HEG1: variants seen among roughly 807,000 people sequenced by gnomAD.
HEG1 encodes the protein heart development protein with EGF like domains 1, also known as protein HEG homolog 1.
HEG1 carries 56 observed loss-of-function variants against 125.6 expected under a neutral mutation model. The observed-to-expected ratio is 0.45, with a 90% CI of 0.36 to 0.56. The LOEUF (loss-of-function observed/expected upper bound fraction) is 0.56. Among genes scored for constraint, HEG1 ranks in the 20% least tolerant of loss-of-function variants. The pLI is 0.00. For missense variants in HEG1, 1,523 were observed against 1,670.0 expected (o/e 0.91, Z 1.53); for synonymous variants, 644 against 668.5 (o/e 0.96, Z 0.57).
chr3:124,993,228 T>G (rs1936861168), intron 12 of HEG1, among the ~76,000 whole-genome samples: 1 of 152,228 alleles, frequency 6.6e-6, no homozygotes, highest in Non-Finnish European at 1.5e-5. Context: ...ATATTCACTT[T>G]CCTTCTGGCC....
Position 124,969,267 on chromosome 3 carries a change from C to T in HEG1, c.*1385G>A, listed in dbSNP as rs1418518105. The T allele has an allele frequency of 6.6e-6, 1 of 152,150 alleles. No individual in the cohort carries two copies. The highest frequency in any genetic ancestry group is 1.5e-5 in the Non-Finnish European group (1 of 68,046). 9.4% of individuals were successfully genotyped at this position (152,150 alleles called of 1,614,324 possible). ...AGGTGGCAATTAAAGACACCGAGTA[C>T]TGGATGTCTCCCTGGCAGGACCCAC... On this transcript the variant is annotated 3_prime_UTR_variant, in exon 17 of 17. Transcript: ENST00000311127.
At chr3:124,991,608 G>T (rs562341196) in intron 12 of HEG1, among the ~76,000 whole-genome samples, 1 of 152,228 alleles carries the variant, frequency 6.6e-6, no homozygotes, top group Non-Finnish European at 1.5e-5. Flanking sequence ...TCAGGGTTTT[G>T]TAGTTGTAAT....
chr3:125,028,768 C>T (rs1937453688), intron 2 of HEG1, among the ~76,000 whole-genome samples: 1 of 152,158 alleles, frequency 6.6e-6, no homozygotes, highest in African/African-American at 2.4e-5. Context: ...ACCCATTGAG[C>T]CCCAGCACCT....
Position 125,013,781 on chromosome 3 carries a change from A to T in HEG1, c.1798T>A (p.Ser600Thr). 6.2e-7 allele frequency: 1 copy of T among 1,613,888 alleles called. No individual in the cohort carries two copies. Among genetic ancestry groups the T allele is most frequent in the Non-Finnish European group, 8.5e-7 (1 of 1,179,778 alleles). The change falls in exon 6 of 17, where the codon TCC (serine) becomes ACC (threonine). Residue 600 changes from serine (S) to threonine (T), a missense_variant. By Grantham distance (58) the Ser-to-Thr change is moderately conservative. Transcript: ENST00000311127. ...ISNSSHSEYS[S>T]FFHAQTERSN... ...CTCTCAGTCTGAGCATGAAAAAAGG[A>T]GGAATACTCTGAATGTGAAGAGTTT...
chr3:125,041,638 C>G (rs1475974191), intron 1 of HEG1, among the ~76,000 whole-genome samples: 1 of 152,194 alleles, frequency 6.6e-6, no homozygotes, highest in Non-Finnish European at 1.5e-5. Flanking sequence ...CAAACAGACA[C>G]TTATGCACCC....
chr3:124,984,725 C>G (rs1936710907), intron 14 of HEG1, among the ~76,000 whole-genome samples: 1 of 152,086 alleles, frequency 6.6e-6, no homozygotes, highest in South Asian at 2.1e-4. Flanking sequence ...CACTACTGCA[C>G]TCCAGCCTGG....
At position 124,979,140 on chromosome 3, in the gene HEG1, C is replaced by T. The variant is rs144613257; in HGVS notation, c.3734-1194G>A. 3.3e-3 allele frequency among the ~76,000 whole-genome samples: 504 copies of T among 151,920 alleles called. 5 individuals are homozygous for T. Among genetic ancestry groups the T allele is most frequent in the African/African-American group, 0.011 (475 of 41,412 alleles). On this transcript the variant is annotated intron_variant, in intron 14 of 16. Transcript: ENST00000311127. ...AATTTTTTTGTGTTTTTAGTAGAGACGAGGTTTCGCAATGTTGGCCAGACT... is the reference window on the plus strand; with the variant it reads ...AATTTTTTTGTGTTTTTAGTAGAGATGAGGTTTCGCAATGTTGGCCAGACT...
intron 3 of HEG1, among the ~76,000 whole-genome samples, chr3:125,026,884 C>G (rs576473425): frequency 1.2e-4 from 18 of 152,298 alleles, no homozygotes; most frequent in African/African-American, 3.6e-4. Flanking sequence ...CCTGTAATCC[C>G]AGCTACTCAG....
Position 125,013,278 on chromosome 3 carries a change from CATGA to C in HEG1, c.2297_2300del (p.Phe766Ter). 1 of 1,613,950 alleles carries C rather than the reference CATGA, an allele frequency of 6.2e-7. No individual in the cohort carries two copies. The highest frequency in any genetic ancestry group is 8.5e-7 in the Non-Finnish European group (1 of 1,179,888). On this transcript the variant is annotated frameshift_variant, in exon 6 of 17. Transcript: ENST00000311127. LOFTEE classifies it high-confidence loss of function. ...CAGTTTGACTACTATGGAGCATTGT[CATGA>C]ATGATGTCATTGTTGATGTCTGAAA...
rs1251761959 is a variant in HEG1, at chr3:125,020,916, G to C, written c.1128C>G (p.Pro376=). The change falls in exon 4 of 17, where the codon CCC becomes CCG. Residue 376 remains proline, a synonymous_variant. Transcript: ENST00000311127. The part of the protein sequence containing the change: ...ATTSSSVLLS[P]SAVESRRNSR... ...TGTTTCTTCTCGATTCCACTGCAGAGGGTGAAAGAAGGACTGAGGATGAAG... is the reference window on the plus strand; with the variant it reads ...TGTTTCTTCTCGATTCCACTGCAGACGGTGAAAGAAGGACTGAGGATGAAG... 1 of 1,613,874 alleles carries C rather than the reference G, an allele frequency of 6.2e-7. No homozygotes were observed. The highest frequency in any genetic ancestry group is 1.7e-5 in the Admixed American group (1 of 60,004).
At position 125,020,958 on chromosome 3, in the gene HEG1, G is replaced by A. The variant is rs752107318; in HGVS notation, c.1086C>T (p.Asp362=). The A allele has an allele frequency of 6.2e-7, 1 of 1,613,978 alleles. No homozygotes were observed. Among genetic ancestry groups the A allele is most frequent in the Non-Finnish European group, 8.5e-7 (1 of 1,179,890 alleles). The stretch of plus-strand genomic sequence containing the variant: ...AGGATGAAGTCGTGGCAATTCTGGA[G>A]TCCTTGGGGAAGCCTTCTGTCTTGC... ...PVSKTEGFPK[D]SRIATTSSSV... The change falls in exon 4 of 17, where the codon GAC becomes GAT. Residue 362 remains aspartate, a synonymous_variant. Coordinates refer to ENST00000311127, the MANE Select transcript of HEG1 (RefSeq NM_020733.2).
At chr3:125,023,870 C>T (rs1288523182) in intron 3 of HEG1, among the ~76,000 whole-genome samples, 2 of 152,218 alleles carry the variant, frequency 1.3e-5, no homozygotes, top group African/African-American at 4.8e-5. Context: ...ATGGGTCTCT[C>T]TTCAATCACA....
At position 125,019,374 on chromosome 3, in the gene HEG1, A is replaced by G. The variant is rs762763901; in HGVS notation, c.1476T>C (p.Thr492=). The change falls in exon 5 of 17, where the codon ACT becomes ACC. Residue 492 remains threonine (T), a synonymous_variant. Coordinates refer to ENST00000311127, the MANE Select transcript of HEG1 (RefSeq NM_020733.2). ...ASVLTQFSDS[T]VQSGGSHTAL... ...CTGTGTGACTTCCTCCAGACTGTAC[A>G]GTAGAGTCTGAGAACTGGGTCAACA... The G allele has an allele frequency of 6.2e-6, 10 of 1,613,744 alleles. No individual in the cohort carries two copies. In the East Asian group the frequency reaches 8.9e-5, roughly 14 times the overall value.
intron 8 of HEG1, among the ~76,000 whole-genome samples, chr3:125,006,967 A>G (rs992907249): frequency 6.6e-5 from 10 of 152,044 alleles, no homozygotes; most frequent in African/African-American, 2.4e-4. Context: ...TGGGAGGCCG[A>G]GGCGGGCGGA....
At position 125,002,027 on chromosome 3, in the gene HEG1, T is replaced by C. The variant is rs369221402; in HGVS notation, c.3357-15A>G. 11 of 1,613,552 alleles carry C rather than the reference T, an allele frequency of 6.8e-6. No homozygotes were observed. The highest frequency in any genetic ancestry group is 9.3e-6 in the Non-Finnish European group (11 of 1,179,768). ...CGTTGGACTCCCTATAGGCAAAGTT[T>C]GTGGGTTTTTAACAGCCCTGAAATG... On this transcript the variant is annotated splice_polypyrimidine_tract_variant and intron_variant, in intron 10 of 16. Transcript: ENST00000311127.
At chr3:125,052,144 C>A (rs1215985209) in intron 1 of HEG1, among the ~76,000 whole-genome samples, 1 of 151,612 alleles carries the variant, frequency 6.6e-6, no homozygotes, top group African/African-American at 2.4e-5. Context: ...CCGCCTCCCC[C>A]CCTTCTATTT....
At chr3:124,988,070 G>A (rs189785856) in intron 14 of HEG1, among the ~76,000 whole-genome samples, 9 of 150,606 alleles carry the variant, frequency 6.0e-5, no homozygotes, top group Admixed American at 1.3e-4. Context: ...ACATTGAAAC[G>A]TTATAGATTT....
intron 1 of HEG1, among the ~76,000 whole-genome samples, chr3:125,034,547 T>C (rs1426985753): frequency 6.6e-6 from 1 of 152,182 alleles, no homozygotes; most frequent in African/African-American, 2.4e-5. Flanking sequence ...CCTGTAATTC[T>C]AGCACTTTGG....
Position 124,966,831 on chromosome 3 carries a change from C to A in HEG1, c.*3821G>T, listed in dbSNP as rs928908384. The A allele has an allele frequency of 1.3e-5, 2 of 152,216 alleles. No homozygotes were observed. Among genetic ancestry groups the A allele is most frequent in the South Asian group, 4.1e-4 (2 of 4,834 alleles). The allele number at this position is 152,216 out of a possible 1,614,324, so 9.4% of individuals were successfully genotyped here. ...GACACCCGGGCATCTCACCAGGGGG[C>A]AACACAGTTTCATGCAGGCACCAAA... On this transcript the variant is annotated 3_prime_UTR_variant, in exon 17 of 17. Transcript: ENST00000311127.
Sources: gnomAD v4.1 joint callset for allele counts (sites outside exome capture counted in the v4.1 genomes callset) on GRCh38, gnomAD v4.1.1 for gene constraint, MANE v1.5 for transcripts, NCBI Gene and HGNC (gene_info 2026-07-23, HGNC 2026-07-21) for gene names.